The following SV2C variants were observed in gnomAD, a reference collection of about 807,000 sequenced individuals.
SV2C encodes synaptic vesicle glycoprotein 2C, also known as solute carrier family 22 member B3.
A neutral mutation model predicts 79.7 loss-of-function variants in SV2C; 49 were observed. The ratio of observed to expected loss-of-function variants is 0.61; its 90% confidence interval spans 0.49 to 0.78. The LOEUF (loss-of-function observed/expected upper bound fraction) is 0.78, where lower values mean the gene tolerates loss of function less well. Among genes scored for constraint, SV2C ranks in the 30% least tolerant of loss-of-function variants. The pLI, the probability that SV2C is intolerant of heterozygous loss-of-function variation, is 0.00. For synonymous variants in SV2C, 334 were observed against 333.2 expected (o/e 1.00, Z -0.03); for missense variants, 833 against 912.9 (o/e 0.91, Z 1.13).
chr5:76,071,755 T>C, the SV2C span, among the ~76,000 whole-genome samples: 1 of 152,196 alleles, frequency 6.6e-6, no homozygotes, highest in Non-Finnish European at 1.5e-5. Flanking sequence ...ATTATTAAAA[T>C]AGAAAAGCTG....
At chr5:75,973,946 T>G in the SV2C span, among the ~76,000 whole-genome samples, 1 of 152,020 alleles carries the variant, frequency 6.6e-6, no homozygotes, top group African/African-American at 2.4e-5. Context: ...AGAATTTTTT[T>G]GTTAAAGATG....
chr5:76,057,318 T>C, the SV2C span, among the ~76,000 whole-genome samples: 38 of 152,214 alleles, frequency 2.5e-4, no homozygotes, highest in East Asian at 1.2e-3. Context: ...TATGTTGGTG[T>C]GCTGCACCCA....
chr5:76,003,076 TA>T, the SV2C span, among the ~76,000 whole-genome samples: 1 of 152,146 alleles, frequency 6.6e-6, no homozygotes, highest in Admixed American at 6.6e-5. Context: ...GATGGTTTTA[TA>T]AAGGGCTTTT....
chr5:76,169,861 G>A (rs1743162099), intron 2 of SV2C, among the ~76,000 whole-genome samples: 1 of 152,206 alleles, frequency 6.6e-6, no homozygotes. Context: ...AATTTGTGGA[G>A]AAAGATTGTG....
chr5:75,868,178 A>C, the SV2C span, among the ~76,000 whole-genome samples: 2 of 152,248 alleles, frequency 1.3e-5, no homozygotes, highest in African/African-American at 4.8e-5. Context: ...AAGGCGTAGA[A>C]ATTCAAGAGA....
chr5:76,123,029 A>G (rs1399651279), intron 1 of SV2C, among the ~76,000 whole-genome samples: 7 of 152,242 alleles, frequency 4.6e-5, no homozygotes, highest in African/African-American at 1.7e-4. Context: ...AAAAAATGAT[A>G]AAGGGGATAT....
chr5:76,174,241 C>T, intron 2 of SV2C: 1 of 1,566,272 alleles, frequency 6.4e-7, no homozygotes, highest in South Asian at 1.1e-5. Flanking sequence ...CACCGGGTCT[C>T]TGCAGCCAGC....
intron 2 of SV2C, among the ~76,000 whole-genome samples, chr5:76,161,126 C>T (rs1209066770): frequency 6.6e-6 from 1 of 152,088 alleles, no homozygotes; most frequent in African/African-American, 2.4e-5. Flanking sequence ...ACCCAAATGA[C>T]CATAAATTAA....
chr5:75,884,517 G>T, the SV2C span, among the ~76,000 whole-genome samples: 3 of 152,064 alleles, frequency 2.0e-5, no homozygotes, highest in Non-Finnish European at 4.4e-5. Context: ...ATTGGGTATT[G>T]TTCATAGTGT....
At chr5:75,937,475 A>G in the SV2C span, among the ~76,000 whole-genome samples, 45 of 152,174 alleles carry the variant, frequency 3.0e-4, no homozygotes, top group South Asian at 2.3e-3. Flanking sequence ...CTGAGATGGG[A>G]GGATCATTTG....
the SV2C span, among the ~76,000 whole-genome samples, chr5:76,036,608 A>G: frequency 1.3e-5 from 2 of 152,172 alleles, no homozygotes; most frequent in African/African-American, 4.8e-5. Flanking sequence ...TTCTGCCGAG[A>G]GATCTGCTGT....
At chr5:75,977,849 C>T in the SV2C span, among the ~76,000 whole-genome samples, 1 of 152,160 alleles carries the variant, frequency 6.6e-6, no homozygotes, top group Non-Finnish European at 1.5e-5. Flanking sequence ...CTTATCCTCT[C>T]CTCTCGAATT....
At chr5:75,877,609 A>T in the SV2C span, among the ~76,000 whole-genome samples, 4 of 149,282 alleles carry the variant, frequency 2.7e-5, no homozygotes, top group Non-Finnish European at 5.9e-5. Flanking sequence ...AAAAAAAAAA[A>T]AAATCAAATT....
chr5:75,925,715 AAAAT>A, the SV2C span, among the ~76,000 whole-genome samples: 1 of 150,472 alleles, frequency 6.6e-6, no homozygotes, highest in South Asian at 2.1e-4. Context: ...GTTCATTTAA[AAAAT>A]AAATATTTTT....
the SV2C span, among the ~76,000 whole-genome samples, chr5:75,901,690 G>A: frequency 6.6e-6 from 1 of 152,270 alleles, no homozygotes. Context: ...TGCCCCCAGA[G>A]GTGGAGCCTA....
chr5:76,308,820 A>G (rs561709749), intron 12 of SV2C, among the ~76,000 whole-genome samples: 14 of 152,180 alleles, frequency 9.2e-5, no homozygotes, highest in Non-Finnish European at 1.5e-4. Context: ...CAAGAAGAAT[A>G]AGAAAAGTAT....
intron 2 of SV2C, among the ~76,000 whole-genome samples, chr5:76,180,289 T>C (rs549994459): frequency 8.5e-5 from 13 of 152,344 alleles, no homozygotes; most frequent in African/African-American, 2.9e-4. Flanking sequence ...AGGAGACTTT[T>C]CTGGAAAAAT....
intron 12 of SV2C, among the ~76,000 whole-genome samples, chr5:76,310,916 CA>C (rs1014291816): frequency 1.3e-5 from 2 of 152,040 alleles, no homozygotes; most frequent in African/African-American, 4.8e-5. Context: ...GAGTGGAATA[CA>C]AAAAAACTAG....
chr5:76,111,875 G>A (rs947582430), intron 1 of SV2C, among the ~76,000 whole-genome samples: 2 of 152,234 alleles, frequency 1.3e-5, no homozygotes, highest in Non-Finnish European at 2.9e-5. Context: ...CACTTGTCCC[G>A]GGAATGCTTG....
Sources: gnomAD v4.1 joint callset for allele counts (sites outside exome capture counted in the v4.1 genomes callset) on GRCh38, gnomAD v4.1.1 for gene constraint, MANE v1.5 for transcripts, NCBI Gene and HGNC (gene_info 2026-07-23, HGNC 2026-07-21) for gene names.